Variants in NARS2 observed in about 807,000 individuals in gnomAD.
NARS2 encodes the protein asparaginyl-tRNA synthetase 2, mitochondrial.
In NARS2, 60 loss-of-function variants were observed where a neutral mutation model predicts 62.9. The ratio of observed to expected loss-of-function variants is 0.95; its 90% CI spans 0.77 to 1.18. The LOEUF (loss-of-function observed/expected upper bound fraction) is 1.18. Ranked by LOEUF, NARS2 falls within the 50% of genes most tolerant of loss-of-function variation. The pLI is 0.00. For synonymous variants in NARS2, 196 were observed against 200.0 expected (o/e 0.98, Z 0.17); for missense variants, 619 against 576.4 (o/e 1.07, Z -0.76).
intron 2 of NARS2, among the ~76,000 whole-genome samples, chr11:78,569,827 C>A (rs1348986755): frequency 2.0e-5 from 3 of 152,102 alleles, no homozygotes; most frequent in Admixed American, 6.6e-5. Flanking sequence ...AAATCTAGGT[C>A]CCATTAGACC....
intron 6 of NARS2, among the ~76,000 whole-genome samples, chr11:78,526,539 T>C (rs533307300): frequency 3.3e-5 from 5 of 152,322 alleles, no homozygotes; most frequent in Admixed American, 1.3e-4. Context: ...AAAAACATTA[T>C]GTTCTGCATA....
At chr11:78,465,279 C>G (rs1281726586) in intron 11 of NARS2, among the ~76,000 whole-genome samples, 2 of 152,274 alleles carry the variant, frequency 1.3e-5, no homozygotes, top group African/African-American at 2.4e-5. Flanking sequence ...CCCGCCCATG[C>G]CTCTCCCTCC....
At chr11:78,477,688 C>T (rs142203740) in intron 9 of NARS2, among the ~76,000 whole-genome samples, 2 of 150,548 alleles carry the variant, frequency 1.3e-5, no homozygotes, top group Non-Finnish European at 2.9e-5. Context: ...AAAAGCAGAT[C>T]ATATTACCCT....
At chr11:78,506,989 A>C (rs542789724) in intron 6 of NARS2, among the ~76,000 whole-genome samples, 1 of 152,286 alleles carries the variant, frequency 6.6e-6, no homozygotes, top group East Asian at 1.9e-4. Flanking sequence ...TGAGGGAGGC[A>C]GCTGTGCACG....
intron 6 of NARS2, among the ~76,000 whole-genome samples, chr11:78,515,421 G>A (rs1210216217): frequency 6.6e-6 from 1 of 152,142 alleles, no homozygotes; most frequent in Non-Finnish European, 1.5e-5. Flanking sequence ...CTGCTAACGG[G>A]TTTGGAGTTT....
At chr11:78,459,341 G>A (rs1415628994) in intron 11 of NARS2, among the ~76,000 whole-genome samples, 2 of 150,998 alleles carry the variant, frequency 1.3e-5, no homozygotes, top group Non-Finnish European at 2.9e-5. Flanking sequence ...TGCAATCTCG[G>A]CTCACTGCAA....
At chr11:78,470,064 G>A (rs749581874) in intron 9 of NARS2, among the ~76,000 whole-genome samples, 1 of 152,174 alleles carries the variant, frequency 6.6e-6, no homozygotes, top group Non-Finnish European at 1.5e-5. Context: ...AAAAAGGGCA[G>A]TCAGCGTGAC....
intron 11 of NARS2, among the ~76,000 whole-genome samples, chr11:78,452,407 G>C (rs937431298): frequency 6.6e-6 from 1 of 151,154 alleles, no homozygotes; most frequent in Admixed American, 6.6e-5. Context: ...GTGTCTGGCC[G>C]ATTTTTTTTT....
At position 78,564,811 on chromosome 11, in the gene NARS2, GATTT is replaced by G. The variant is rs536480619; in HGVS notation, c.513+1317_513+1320del. 6.9e-3 allele frequency among the ~76,000 whole-genome samples: 1,048 copies of G among 152,268 alleles called. 11 individuals carry two copies. The highest frequency in any genetic ancestry group is 0.011 in the Non-Finnish European group (723 of 68,016). On this transcript the variant is annotated intron_variant, in intron 4 of 13. Transcript: ENST00000281038. ...ATAATGGGATAACATTATATAATTT[GATTT>G]ATTTTCCTTTGTCTTATCAAAAGCA...
intron 9 of NARS2, among the ~76,000 whole-genome samples, chr11:78,469,764 CAG>C (rs140547889): frequency 1.6e-4 from 24 of 146,280 alleles, no homozygotes; most frequent in African/African-American, 2.4e-4. Context: ...ATGTGTGTGT[CAG>C]AGAGAGAGAG....
intron 5 of NARS2, among the ~76,000 whole-genome samples, chr11:78,542,441 A>C (rs1855655299): frequency 6.6e-6 from 1 of 152,206 alleles, no homozygotes; most frequent in African/African-American, 2.4e-5. Context: ...ACTTTTTTTC[A>C]CTATTGCTTG....
At chr11:78,564,490 C>T (rs938506098) in intron 4 of NARS2, among the ~76,000 whole-genome samples, 13 of 152,198 alleles carry the variant, frequency 8.5e-5, no homozygotes, top group Non-Finnish European at 1.3e-4. Context: ...TGCACCCTGA[C>T]TACTTTATTT....
intron 2 of NARS2, among the ~76,000 whole-genome samples, chr11:78,568,999 T>G (rs566099016): frequency 1.3e-5 from 2 of 152,156 alleles, no homozygotes; most frequent in Non-Finnish European, 2.9e-5. Flanking sequence ...AATTAAGAGG[T>G]TGTACAATTG....
intron 4 of NARS2, among the ~76,000 whole-genome samples, chr11:78,564,884 T>G (rs1856690697): frequency 6.6e-6 from 1 of 152,196 alleles, no homozygotes; most frequent in Admixed American, 6.5e-5. Flanking sequence ...TGACCAAAAG[T>G]GAATCTGAAG....
chr11:78,555,253 T>C lies in NARS2; in HGVS notation c.594+4286A>G, dbSNP rs111966296. 2.9e-3 allele frequency: 446 copies of C among 152,316 alleles called. 2 individuals are homozygous for C. The highest frequency in any genetic ancestry group is 9.8e-3 in the African/African-American group (409 of 41,560). 9.4% of individuals were successfully genotyped at this position (152,316 alleles called of 1,614,324 possible). On this transcript the variant is annotated intron_variant, in intron 5 of 13. Coordinates refer to ENST00000281038, the MANE Select transcript of NARS2 (RefSeq NM_024678.6). ...GATGATGCTGGCCTCACAGAATGAG[T>C]TGAGGAGAAGTTCCCCCTCCATAAT...
intron 6 of NARS2, among the ~76,000 whole-genome samples, chr11:78,501,601 T>G (rs1031156955): frequency 3.3e-5 from 5 of 152,050 alleles, no homozygotes; most frequent in Admixed American, 1.3e-4. Flanking sequence ...ATGATGTGAA[T>G]CCTGATAAAG....
Position 78,459,042 on chromosome 11 carries a change from C to T in NARS2, c.1164+6834G>A, listed in dbSNP as rs192389273. On this transcript the variant is annotated intron_variant, in intron 11 of 13. Transcript: ENST00000281038. ...AAGCAATTCTCCTGTCTCAGCCTCC[C>T]GAGCTGGGACTACAGGTGCCTGCCA... is the stretch of plus-strand genomic sequence containing the variant. 5.2e-3 allele frequency among the ~76,000 whole-genome samples: 791 copies of T among 152,022 alleles called. 4 individuals are homozygous for T. The highest frequency in any genetic ancestry group is 0.018 in the African/African-American group (760 of 41,474).
At chr11:78,550,661 G>A (rs1388450816) in intron 5 of NARS2, among the ~76,000 whole-genome samples, 1 of 152,120 alleles carries the variant, frequency 6.6e-6, no homozygotes, top group Non-Finnish European at 1.5e-5. Context: ...AAATGCTGCG[G>A]CCACTCCGAA....
chr11:78,494,469 C>CTTTTTT (rs11437113), intron 6 of NARS2, among the ~76,000 whole-genome samples: 11 of 133,176 alleles, frequency 8.3e-5, no homozygotes, highest in Non-Finnish European at 1.3e-4. Flanking sequence ...TTTTCTTTTT[C>CTTTTTT]TTTTTTTTTT....
Sources: allele counts gnomAD v4.1 joint callset (sites outside exome capture counted in the v4.1 genomes callset), GRCh38; gene constraint gnomAD v4.1.1; transcripts MANE v1.5; gene names NCBI Gene and HGNC (gene_info 2026-07-23, HGNC 2026-07-21).